The following VAMP8 variants were observed in gnomAD, a reference collection of about 807,000 sequenced individuals.
The protein encoded by VAMP8 is vesicle-associated membrane protein 8.
In VAMP8, 9 loss-of-function variants were observed where a neutral mutation model predicts 11.4. The ratio of observed to expected loss-of-function variants is 0.79; its 90% CI spans 0.48 to 1.38. VAMP8 has a LOEUF of 1.38. Among genes scored for constraint, VAMP8 ranks in the 40% most tolerant of loss-of-function variants. VAMP8 has a pLI of 0.00. For missense variants in VAMP8, 108 were observed against 127.8 expected (o/e 0.85, Z 0.75); for synonymous variants, 42 against 44.7 (o/e 0.94, Z 0.24).
chr2:85,580,491 T>G (rs1288486501), intron 2 of VAMP8, among the ~76,000 whole-genome samples: 1 of 151,762 alleles, frequency 6.6e-6, no homozygotes, highest in Non-Finnish European at 1.5e-5. Context: ...GTTGTACCCT[T>G]GGGTGTAAGC....
chr2:85,581,871 C>T lies in VAMP8; in HGVS notation c.*155C>T. 3 of 989,684 alleles carry T rather than the reference C, an allele frequency of 3.0e-6. No homozygotes were observed. Among genetic ancestry groups the T allele is most frequent in the Non-Finnish European group, 3.0e-6 (2 of 668,970 alleles). 61.3% of individuals were successfully genotyped at this position (989,684 alleles called of 1,614,324 possible). ...GGCCCTGCTGCCATGTTGTATGCCC[C>T]AGAAGGTACCTTGGTCCCCCGGAAG... On this transcript the variant is annotated 3_prime_UTR_variant, in exon 3 of 3. Transcript: ENST00000263864.
At chr2:85,579,636 G>T in intron 2 of VAMP8, 1 of 1,456,968 alleles carries the variant, frequency 6.9e-7, no homozygotes, top group South Asian at 1.5e-5. Flanking sequence ...TAAAAAGAAG[G>T]GGGAAAGAGC....
At chr2:85,580,164 G>A (rs1672346125) in intron 2 of VAMP8, among the ~76,000 whole-genome samples, 1 of 152,040 alleles carries the variant, frequency 6.6e-6, no homozygotes, top group African/African-American at 2.4e-5. Context: ...GTTGGCCAGG[G>A]TGGTCTTGAC....
chr2:85,581,427 C>A, intron 2 of VAMP8, 149 bp from the exon 3 acceptor site: 1 of 982,604 alleles, frequency 1.0e-6, no homozygotes, highest in Non-Finnish European at 1.5e-6. Context: ...CAGCAGTGAG[C>A]CAAGATCGAG....
intron 2 of VAMP8, among the ~76,000 whole-genome samples, chr2:85,581,125 G>A (rs1251564811): frequency 2.6e-5 from 4 of 152,066 alleles, no homozygotes; most frequent in Admixed American, 1.3e-4. Context: ...AAGCTGCAGT[G>A]AGCTGAGATT....
intron 1 of VAMP8, among the ~76,000 whole-genome samples, chr2:85,578,644 C>T (rs1035079518): frequency 1.3e-5 from 2 of 152,116 alleles, no homozygotes; most frequent in African/African-American, 2.4e-5. Flanking sequence ...TAAATAGTGG[C>T]GGGCTCTGCT....
In VAMP8 at chr2:85,581,776, G is replaced by A. The variant is rs540788598; in HGVS notation, c.*60G>A. 1.9e-6 allele frequency: 3 copies of A among 1,600,958 alleles called. No individual in the cohort carries two copies. Among genetic ancestry groups the A allele is most frequent in the Middle Eastern group, 1.7e-4 (1 of 6,008 alleles). On this transcript the variant is annotated 3_prime_UTR_variant, in exon 3 of 3. Coordinates refer to ENST00000263864, the MANE Select transcript of VAMP8 (RefSeq NM_003761.5). Reference sequence around the variant, plus strand: ...CAGGGACAACCCTCCATAAATGTGTGCCAAGAGGGTCTCCTTTCCTGTCTT... The same window carrying A: ...CAGGGACAACCCTCCATAAATGTGTACCAAGAGGGTCTCCTTTCCTGTCTT...
chr2:85,579,550 C>T (rs1485547864), intron 2 of VAMP8, among the ~76,000 whole-genome samples: 1 of 152,224 alleles, frequency 6.6e-6, no homozygotes, highest in African/African-American at 2.4e-5. Context: ...AGGAAACCCC[C>T]GCTGTGGCCT....
intron 2 of VAMP8, 28 bp from the exon 3 acceptor site, chr2:85,581,548 G>A (rs750275771): frequency 1.2e-6 from 2 of 1,613,500 alleles, no homozygotes; most frequent in Middle Eastern, 1.7e-4. Context: ...GAGCCACTGG[G>A]TCACTCACTC....
At chr2:85,579,529 T>G (rs978758200) in intron 2 of VAMP8, among the ~76,000 whole-genome samples, 1 of 152,178 alleles carries the variant, frequency 6.6e-6, no homozygotes, top group African/African-American at 2.4e-5. Flanking sequence ...AGGGCAGAAA[T>G]ATTGGCTCTG....
chr2:85,579,231 G>A, intron 2 of VAMP8, 64 bp downstream of exon 2: 3 of 1,470,732 alleles, frequency 2.0e-6, no homozygotes, highest in South Asian at 1.4e-5. Context: ...CTTTTTGGTG[G>A]GGCAAAATGG....
At chr2:85,579,891 T>C in intron 2 of VAMP8, 1 of 1,547,750 alleles carries the variant, frequency 6.5e-7, no homozygotes, top group Non-Finnish European at 8.7e-7. Context: ...CTCCCTTGTC[T>C]CCCTGGGGCT....
At chr2:85,579,909 T>C in intron 2 of VAMP8, 1 of 1,538,728 alleles carries the variant, frequency 6.5e-7, no homozygotes, top group African/African-American at 1.4e-5. Context: ...GCTCATTGCC[T>C]GTTTCTGTAG....
chr2:85,582,008 A>G lies in VAMP8; in HGVS notation c.*292A>G. ...GGGAAACTGTTGGTGGCCAGTGGGT[A>G]ATAAAGACCTTTCAGTATCCCTATA... On this transcript the variant is annotated 3_prime_UTR_variant, in exon 3 of 3. Coordinates refer to ENST00000263864, the MANE Select transcript of VAMP8 (RefSeq NM_003761.5). 2.5e-6 allele frequency: 1 copy of G among 392,798 alleles called. No homozygotes were observed. The allele number at this position is 392,798 out of a possible 1,614,324, so 24.3% of individuals were successfully genotyped here.
At chr2:85,580,028 T>C (rs1199148766) in intron 2 of VAMP8, among the ~76,000 whole-genome samples, 1 of 152,070 alleles carries the variant, frequency 6.6e-6, no homozygotes, top group Non-Finnish European at 1.5e-5. Context: ...CTTGGCTCAC[T>C]GCAAACTTCA....
Position 85,577,675 on chromosome 2 carries a change from G to C in VAMP8, c.3+26G>C. The C allele has an allele frequency of 1.9e-6, 3 of 1,552,024 alleles. No homozygotes were observed. In the East Asian group the frequency reaches 7.3e-5, roughly 38 times the overall value. Reference sequence around the variant, plus strand: ...GTGAGCCAACTGGGAACTAGGAAAGGGCTGGTTTAAAGAGGAGCCAGAGGG... The same window carrying C: ...GTGAGCCAACTGGGAACTAGGAAAGCGCTGGTTTAAAGAGGAGCCAGAGGG... On this transcript the variant is annotated intron_variant, in intron 1 of 2. Coordinates refer to ENST00000263864, the MANE Select transcript of VAMP8 (RefSeq NM_003761.5).
Position 85,579,230 on chromosome 2 carries a change from G to A in VAMP8, c.162+63G>A, listed in dbSNP as rs891638456. On this transcript the variant is annotated intron_variant, in intron 2 of 2. Coordinates refer to ENST00000263864, the MANE Select transcript of VAMP8 (RefSeq NM_003761.5). ...GGGAGGGAGGGAATTTCTTTTTGGT[G>A]GGGCAAAATGGACAGGAGGGCCAGA... 2.9e-5 allele frequency: 42 copies of A among 1,470,810 alleles called. No individual in the cohort carries two copies. The African/African-American group carries it at 4.9e-4, about 17-fold the overall frequency. 91.1% of individuals were successfully genotyped at this position (1,470,810 alleles called of 1,614,324 possible).
At chr2:85,578,895 A>T in intron 1 of VAMP8, 114 bp from the exon 2 acceptor site, 1 of 1,081,356 alleles carries the variant, frequency 9.2e-7, no homozygotes, top group African/African-American at 1.6e-5. Context: ...TAAACATTTC[A>T]AGCATTTTAC....
intron 1 of VAMP8, 96 bp downstream of exon 1, chr2:85,577,745 GGCA>G: frequency 6.5e-7 from 1 of 1,529,422 alleles, no homozygotes; most frequent in Admixed American, 2.0e-5. Flanking sequence ...GAGAGTTGGT[GGCA>G]AAGTTAGAGG....
Sources: gnomAD v4.1 joint callset for allele counts (sites outside exome capture counted in the v4.1 genomes callset) on GRCh38, gnomAD v4.1.1 for gene constraint, MANE v1.5 for transcripts, NCBI Gene and HGNC (gene_info 2026-07-23, HGNC 2026-07-21) for gene names.